NTF3: variants seen among roughly 807,000 people sequenced by gnomAD.
NTF3 encodes neurotrophin-3.
NTF3 carries 8 observed loss-of-function variants against 26.3 expected under a neutral mutation model. The observed-to-expected ratio is 0.30, with a 90% CI of 0.18 to 0.55. NTF3 has a LOEUF of 0.55. Among genes scored for constraint, NTF3 ranks in the 20% least tolerant of loss-of-function variants. NTF3 has a pLI of 0.93. For missense variants in NTF3, 276 were observed against 352.9 expected (o/e 0.78, Z 1.75); for synonymous variants, 154 against 145.5 (o/e 1.06, Z -0.42).
chr12:5,449,233 C>T (rs1009111360), intron 1 of NTF3, among the ~76,000 whole-genome samples: 7 of 152,146 alleles, frequency 4.6e-5, no homozygotes, highest in African/African-American at 1.7e-4. Context: ...TTGACCAGTA[C>T]GCCTGAAAGG....
chr12:5,464,588 A>G lies in NTF3; in HGVS notation c.19-29606A>G, dbSNP rs575190422. Among the ~76,000 whole-genome samples the G allele has an allele frequency of 2.0e-5, 3 of 152,314 alleles. No homozygotes were observed. The East Asian group carries it at 5.8e-4, about 29-fold the overall frequency. Reference sequence around the variant, plus strand: ...GATTCCTGAGCCCCATCCCTTGATGATGATGATCCAGTGAGCCTGGGTGGG... The same window carrying G: ...GATTCCTGAGCCCCATCCCTTGATGGTGATGATCCAGTGAGCCTGGGTGGG... On this transcript the variant is annotated intron_variant, in intron 1 of 1. Coordinates refer to ENST00000423158, the MANE Select transcript of NTF3 (RefSeq NM_001102654.2).
At chr12:5,467,861 C>T (rs1219666438) in intron 1 of NTF3, among the ~76,000 whole-genome samples, 2 of 152,100 alleles carry the variant, frequency 1.3e-5, no homozygotes, top group South Asian at 2.1e-4. Flanking sequence ...GTGCCATCAG[C>T]GTCTCCCCTG....
chr12:5,441,639 C>T (rs933301908), intron 1 of NTF3, among the ~76,000 whole-genome samples: 6 of 152,244 alleles, frequency 3.9e-5, no homozygotes, highest in Middle Eastern at 3.4e-3. Context: ...TTTTGTGTCC[C>T]CCACCTTGAA....
chr12:5,469,878 G>C (rs1357607425), intron 1 of NTF3, among the ~76,000 whole-genome samples: 1 of 152,068 alleles, frequency 6.6e-6, no homozygotes, highest in African/African-American at 2.4e-5. Context: ...GTTTCCCTTT[G>C]ACACTGTTAC....
At chr12:5,463,634 T>C (rs894644181) in intron 1 of NTF3, among the ~76,000 whole-genome samples, 1 of 152,210 alleles carries the variant, frequency 6.6e-6, no homozygotes, top group East Asian at 1.9e-4. Flanking sequence ...GATGGATTTA[T>C]GTAAAGGATG....
At chr12:5,457,147 C>CTTTTTATCCTATAAA (rs1940462598) in intron 1 of NTF3, among the ~76,000 whole-genome samples, 1 of 152,180 alleles carries the variant, frequency 6.6e-6, no homozygotes, top group African/African-American at 2.4e-5. Context: ...TAAAGTCATG[C>CTTTTTATCCTATAAA]ATATTAGGAT....
chr12:5,495,070 ATATAT>A lies in NTF3; in HGVS notation c.*87_*91del, dbSNP rs772179606. ...GCATATAAATGTTTATATTGTTTTT[ATATAT>A]TATAAGTTGACCTTTATTTATTAAA... On this transcript the variant is annotated 3_prime_UTR_variant, in exon 2 of 2. Coordinates refer to ENST00000423158, the MANE Select transcript of NTF3 (RefSeq NM_001102654.2). The A allele has an allele frequency of 9.5e-5, 132 of 1,384,184 alleles. No homozygotes were observed. Among genetic ancestry groups the A allele is most frequent in the East Asian group, 2.2e-4 (9 of 40,000 alleles). The allele number at this position is 1,384,184 out of a possible 1,614,324, so 85.7% of individuals were successfully genotyped here.
At chr12:5,467,705 C>A (rs1940610666) in intron 1 of NTF3, among the ~76,000 whole-genome samples, 1 of 152,186 alleles carries the variant, frequency 6.6e-6, no homozygotes, top group Admixed American at 6.5e-5. Flanking sequence ...TTCTTCAGCT[C>A]TAAAGTGAAA....
chr12:5,478,136 T>C (rs1038066514), intron 1 of NTF3, among the ~76,000 whole-genome samples: 1 of 152,252 alleles, frequency 6.6e-6, no homozygotes, highest in African/African-American at 2.4e-5. Flanking sequence ...CTGCTTTCCA[T>C]AGGAATCCAC....
rs1261958384 is a variant in NTF3, at chr12:5,456,883, T to G, written c.18+24541T>G. Among the ~76,000 whole-genome samples the G allele has an allele frequency of 1.3e-5, 2 of 152,148 alleles. No individual in the cohort carries two copies. Among genetic ancestry groups the G allele is most frequent in the African/African-American group, 2.4e-5 (1 of 41,450 alleles). On this transcript the variant is annotated intron_variant, in intron 1 of 1. Coordinates refer to ENST00000423158, the MANE Select transcript of NTF3 (RefSeq NM_001102654.2). This position sits in a 1 kb window ranked among gnomAD's most constrained non-coding sequence, Gnocchi z 4.4. ...CTAAATGACTGCTGTGTAGCTACCATGAGTGTGCTGAGTGGCCCATAGGGG... is the reference window on the plus strand; with the variant it reads ...CTAAATGACTGCTGTGTAGCTACCAGGAGTGTGCTGAGTGGCCCATAGGGG...
At chr12:5,476,163 T>C (rs985480717) in intron 1 of NTF3, among the ~76,000 whole-genome samples, 4 of 152,196 alleles carry the variant, frequency 2.6e-5, no homozygotes, top group Non-Finnish European at 5.9e-5. Context: ...AGTCCTACCG[T>C]GCAACCATTA....
At chr12:5,450,230 C>T (rs1320890218) in intron 1 of NTF3, among the ~76,000 whole-genome samples, 1 of 152,186 alleles carries the variant, frequency 6.6e-6, no homozygotes, top group Non-Finnish European at 1.5e-5. Context: ...GTGTCTAGAC[C>T]ACCTTAGAGA....
At chr12:5,481,221 G>A (rs1281899170) in intron 1 of NTF3, among the ~76,000 whole-genome samples, 7 of 152,076 alleles carry the variant, frequency 4.6e-5, no homozygotes, top group East Asian at 1.9e-4. Flanking sequence ...ATGCCGGACT[G>A]GGAGTGAAAA....
chr12:5,485,837 C>T (rs184095187), intron 1 of NTF3, among the ~76,000 whole-genome samples: 1 of 152,298 alleles, frequency 6.6e-6, no homozygotes, highest in Non-Finnish European at 1.5e-5. Context: ...CGCATCACTA[C>T]ATGAGTGGGT....
intron 1 of NTF3, among the ~76,000 whole-genome samples, chr12:5,444,932 G>A (rs1362331256): frequency 6.6e-6 from 1 of 152,206 alleles, no homozygotes; most frequent in Admixed American, 6.5e-5. Context: ...ATCTCAGCCT[G>A]GGAGGCCAGG....
In NTF3 at chr12:5,494,999, C is replaced by T. The variant is rs1297770483; in HGVS notation, c.*11C>T. 6.2e-7 allele frequency: 1 copy of T among 1,608,088 alleles called. No individual in the cohort carries two copies. The highest frequency in any genetic ancestry group is 8.5e-7 in the Non-Finnish European group (1 of 1,176,610). ...ATCGGAAGAACATGAATTGGCATCTCTCCCCATATATAAATTATTACTTTA... is the reference window on the plus strand; with the variant it reads ...ATCGGAAGAACATGAATTGGCATCTTTCCCCATATATAAATTATTACTTTA... On this transcript the variant is annotated 3_prime_UTR_variant, in exon 2 of 2. Coordinates refer to ENST00000423158, the MANE Select transcript of NTF3 (RefSeq NM_001102654.2). The surrounding 1 kb of genome is among the most constrained non-coding windows in gnomAD (Gnocchi z 8.3).
At chr12:5,455,586 A>ACACACACACACACACACAC (rs1940435498) in intron 1 of NTF3, among the ~76,000 whole-genome samples, 1 of 45,846 alleles carries the variant, frequency 2.2e-5, no homozygotes, top group African/African-American at 1.1e-4. Flanking sequence ...ACACACACAT[A>ACACACACACACACACACAC]GCCCCTGTGA....
chr12:5,452,604 T>G (rs916726148), intron 1 of NTF3, among the ~76,000 whole-genome samples: 6 of 152,186 alleles, frequency 3.9e-5, no homozygotes, highest in African/African-American at 1.2e-4. Flanking sequence ...CTTTCCAAGC[T>G]TGAAGATGTT....
At position 5,456,010 on chromosome 12, in the gene NTF3, G is replaced by T. The variant is rs1201409998; in HGVS notation, c.18+23668G>T. ...GCTGTGCGGGCCACTAGAGAAAAAG[G>T]AGGGCATGTTTGGGGCAGGAGAGGC... On this transcript the variant is annotated intron_variant, in intron 1 of 1. Coordinates refer to ENST00000423158, the MANE Select transcript of NTF3 (RefSeq NM_001102654.2). The surrounding 1 kb of genome is among the most constrained non-coding windows in gnomAD (Gnocchi z 4.4). 2.0e-5 allele frequency among the ~76,000 whole-genome samples: 3 copies of T among 152,144 alleles called. No individual in the cohort carries two copies. The highest frequency in any genetic ancestry group is 4.4e-5 in the Non-Finnish European group (3 of 68,026).
Sources: allele counts gnomAD v4.1 joint callset (sites outside exome capture counted in the v4.1 genomes callset), GRCh38; gene constraint gnomAD v4.1.1; non-coding constraint Gnocchi (gnomAD v3.1); transcripts MANE v1.5; gene names NCBI Gene and HGNC (gene_info 2026-07-23, HGNC 2026-07-21).